Variants in PTPRZ1 observed in about 807,000 individuals in gnomAD.
PTPRZ1 encodes protein tyrosine phosphatase receptor type Z1, also known as receptor-type tyrosine-protein phosphatase zeta.
In PTPRZ1, 82 loss-of-function variants were observed where a neutral mutation model predicts 214.1. The ratio of observed to expected loss-of-function variants is 0.38; its 90% CI spans 0.32 to 0.46. The LOEUF (loss-of-function observed/expected upper bound fraction) is 0.46. PTPRZ1 is among the 20% of genes least tolerant of loss of function. The probability of loss-of-function intolerance (pLI) is 1.00; values close to 1 mark genes in which losing one functional copy is unlikely to be tolerated. For missense variants in PTPRZ1, 2,603 were observed against 2,748.7 expected, an observed-to-expected ratio of 0.95 and a Z score of 1.19; for synonymous variants, 945 against 987.9, an observed-to-expected ratio of 0.96 and a Z score of 0.81.
chr7:122,035,226 TG>T (rs1183499436), intron 17 of PTPRZ1, among the ~76,000 whole-genome samples: 2 of 152,214 alleles, frequency 1.3e-5, no homozygotes, highest in Non-Finnish European at 2.9e-5. Flanking sequence ...CCAATGGAGC[TG>T]CACTCTTCTC....
chr7:122,034,584 A>G (rs1345833196), intron 17 of PTPRZ1, among the ~76,000 whole-genome samples: 1 of 152,134 alleles, frequency 6.6e-6, no homozygotes, highest in Non-Finnish European at 1.5e-5. Context: ...CATCTGTTTT[A>G]TTTAAACAAA....
intron 2 of PTPRZ1, among the ~76,000 whole-genome samples, chr7:121,938,764 A>C (rs1183639333): frequency 1.3e-5 from 2 of 152,140 alleles, no homozygotes; most frequent in Non-Finnish European, 2.9e-5. Context: ...TGGAGAGAAA[A>C]GTGTCTTCCT....
chr7:122,058,337 C>T (rs1792440970), intron 27 of PTPRZ1, among the ~76,000 whole-genome samples: 1 of 151,978 alleles, frequency 6.6e-6, no homozygotes, highest in African/African-American at 2.4e-5. Flanking sequence ...CCGAGTTGAA[C>T]CTAGATCTCT....
chr7:121,906,045 G>A (rs1584623848), intron 1 of PTPRZ1, among the ~76,000 whole-genome samples: 1 of 152,160 alleles, frequency 6.6e-6, no homozygotes, highest in East Asian at 1.9e-4. Flanking sequence ...TGTGTATATG[G>A]TAATACTCTT....
rs747996832 is a variant in PTPRZ1, at chr7:121,976,188, T to G, written c.472T>G (p.Phe158Val). ...KFPLEMQIYC[F>V]DADRFSSFEE... ...ACTTTTATAGATGCAAATCTACTGCTTTGATGCGGACCGATTTTCAAGTTT... is the reference window on the plus strand; with the variant it reads ...ACTTTTATAGATGCAAATCTACTGCGTTGATGCGGACCGATTTTCAAGTTT... The change falls in exon 5 of 30, where the codon TTT becomes GTT. Residue 158 changes from phenylalanine (F) to valine (V), a missense_variant. Transcript: ENST00000393386. 1 of 1,607,474 alleles carries G rather than the reference T, an allele frequency of 6.2e-7. No individual in the cohort carries two copies. The highest frequency in any genetic ancestry group is 1.1e-5 in the South Asian group (1 of 90,606).
chr7:122,018,983 A>T, intron 12 of PTPRZ1, 141 bp from the exon 13 acceptor site: 1 of 755,654 alleles, frequency 1.3e-6, no homozygotes, highest in East Asian at 2.9e-5. Context: ...ATTGGCTTAT[A>T]ATTGTAGACA....
Position 122,012,606 on chromosome 7 carries a change from A to G in PTPRZ1, c.3560A>G (p.Gln1187Arg), listed in dbSNP as rs576886692. Residue 1187 changes from glutamine to arginine, a missense_variant, in exon 12 of 30, where the codon CAG becomes CGG. Gln to Arg is a conservative substitution (Grantham distance 43). Coordinates refer to ENST00000393386, the MANE Select transcript of PTPRZ1 (RefSeq NM_002851.3). Reference sequence around the variant, plus strand: ...GAAGTATTGCTACAACCTTCCTTTCAGGCTTCTGATGTTGACACCTTGCTT... The same window carrying G: ...GAAGTATTGCTACAACCTTCCTTTCGGGCTTCTGATGTTGACACCTTGCTT... ...STEVLLQPSF[Q>R]ASDVDTLLKT... 1.5e-5 allele frequency: 25 copies of G among 1,613,722 alleles called. No homozygotes were observed. In the East Asian group the frequency reaches 4.7e-4, roughly 30 times the overall value.
chr7:121,980,754 CTGAG>C (rs1174749565), intron 6 of PTPRZ1, among the ~76,000 whole-genome samples: 8 of 152,130 alleles, frequency 5.3e-5, no homozygotes, highest in Non-Finnish European at 1.2e-4. Flanking sequence ...TTGAGGCTTT[CTGAG>C]TATGTTCAGT....
At chr7:122,051,400 C>T in intron 23 of PTPRZ1, 28 bp from the exon 24 acceptor site, 1 of 1,540,840 alleles carries the variant, frequency 6.5e-7, no homozygotes, top group South Asian at 1.1e-5. Context: ...ATGAAATAAC[C>T]TATATATTTT....
intron 1 of PTPRZ1, among the ~76,000 whole-genome samples, chr7:121,926,604 C>A (rs1584646148): frequency 2.6e-5 from 4 of 152,190 alleles, no homozygotes; most frequent in Admixed American, 2.6e-4. Flanking sequence ...ATAGTCAAAT[C>A]TATATAGTCA....
chr7:121,918,897 G>T (rs1049971237), intron 1 of PTPRZ1, among the ~76,000 whole-genome samples: 4 of 151,230 alleles, frequency 2.6e-5, no homozygotes, highest in African/African-American at 7.3e-5. Context: ...ATGGCTTCAC[G>T]TCATTTCATA....
intron 2 of PTPRZ1, among the ~76,000 whole-genome samples, chr7:121,953,562 G>A (rs887783824): frequency 2.0e-5 from 3 of 152,166 alleles, no homozygotes; most frequent in Admixed American, 6.5e-5. Flanking sequence ...AAAGCAAGGT[G>A]AAGACTAACT....
chr7:121,929,515 A>G (rs921455235), intron 2 of PTPRZ1, among the ~76,000 whole-genome samples: 12 of 151,836 alleles, frequency 7.9e-5, no homozygotes, highest in Non-Finnish European at 1.6e-4. Context: ...AAAAAAAAAA[A>G]AAAACTTTCA....
chr7:121,931,934 G>T (rs1440258340), intron 2 of PTPRZ1, among the ~76,000 whole-genome samples: 1 of 152,108 alleles, frequency 6.6e-6, no homozygotes, highest in East Asian at 1.9e-4. Flanking sequence ...GTTGTAGGGG[G>T]GTGGGGTGGC....
At chr7:122,023,505 G>GTATAATTTTATATATAATTATATATA (rs1400780059) in intron 13 of PTPRZ1, among the ~76,000 whole-genome samples, 7 of 125,124 alleles carry the variant, frequency 5.6e-5, no homozygotes, top group Middle Eastern at 4.2e-3. Flanking sequence ...TTATATATAT[G>GTATAATTTTATATATAATTATATATA]TATAATTTTA....
intron 26 of PTPRZ1, 101 bp from the exon 27 acceptor site, chr7:122,054,840 G>A: frequency 8.6e-7 from 1 of 1,163,804 alleles, no homozygotes; most frequent in Non-Finnish European, 1.2e-6. Context: ...AGAAAAATTG[G>A]AGTTGAAATT....
chr7:122,041,035 G>A, intron 21 of PTPRZ1, 56 bp downstream of exon 21: 2 of 1,354,028 alleles, frequency 1.5e-6, no homozygotes, highest in Non-Finnish European at 1.9e-6. Context: ...TTGCAAAAAG[G>A]AAATCAATGG....
chr7:121,973,981 A>G (rs1180992129), intron 4 of PTPRZ1, among the ~76,000 whole-genome samples: 1 of 150,704 alleles, frequency 6.6e-6, no homozygotes, highest in Non-Finnish European at 1.5e-5. Context: ...ATGGAATTCA[A>G]GAAAATGCTA....
At chr7:122,019,426 TGAAG>T (rs1323007712) in intron 13 of PTPRZ1, among the ~76,000 whole-genome samples, 158 bp downstream of exon 13, 1 of 152,190 alleles carries the variant, frequency 6.6e-6, no homozygotes, top group Non-Finnish European at 1.5e-5. Flanking sequence ...GGCACAATAA[TGAAG>T]GAGTTAATTG....
Sources: gnomAD v4.1 joint callset for allele counts (sites outside exome capture counted in the v4.1 genomes callset) on GRCh38, gnomAD v4.1.1 for gene constraint, MANE v1.5 for transcripts, NCBI Gene and HGNC (gene_info 2026-07-23, HGNC 2026-07-21) for gene names.